MMP16: variants seen among roughly 807,000 people sequenced by gnomAD.
The protein encoded by MMP16 is matrix metalloproteinase-16.
Under a neutral mutation model 67.8 loss-of-function variants are expected in MMP16, and 12 were observed. That is an observed-to-expected ratio of 0.18 (90% CI 0.11 to 0.29). The LOEUF (loss-of-function observed/expected upper bound fraction) is 0.29, where lower values mean the gene tolerates loss of function less well. MMP16 is among the 10% of genes least tolerant of loss of function. The pLI is 1.00. For missense variants in MMP16, 475 were observed against 765.7 expected (o/e 0.62, Z 4.48); for synonymous variants, 249 against 255.9 (o/e 0.97, Z 0.26).
intron 1 of MMP16, among the ~76,000 whole-genome samples, chr8:88,260,287 C>A (rs1810366665): frequency 6.7e-6 from 1 of 149,434 alleles, no homozygotes; most frequent in Non-Finnish European, 1.5e-5. Context: ...TTAAGGAATA[C>A]ATGTTTTTTT....
At chr8:88,292,514 C>A (rs1432898619) in intron 1 of MMP16, among the ~76,000 whole-genome samples, 2 of 152,106 alleles carry the variant, frequency 1.3e-5, no homozygotes, top group African/African-American at 4.8e-5. Flanking sequence ...CTGTTATGTA[C>A]CCAAATTGCA....
intron 9 of MMP16, among the ~76,000 whole-genome samples, chr8:88,043,678 T>G (rs1440083155): frequency 6.6e-6 from 1 of 152,196 alleles, no homozygotes; most frequent in Non-Finnish European, 1.5e-5. Context: ...TTCTGTTCAA[T>G]GCCATGAACA....
chr8:88,273,391 T>A (rs1414250952), intron 1 of MMP16, among the ~76,000 whole-genome samples: 1 of 151,936 alleles, frequency 6.6e-6, no homozygotes, highest in Non-Finnish European at 1.5e-5. Flanking sequence ...GCACCTGGCC[T>A]AGAAAATAAC....
intron 1 of MMP16, among the ~76,000 whole-genome samples, chr8:88,307,183 C>T (rs1811223265): frequency 6.6e-6 from 1 of 152,018 alleles, no homozygotes; most frequent in Non-Finnish European, 1.5e-5. Flanking sequence ...TCTGCAACTG[C>T]CCCATACTTT....
chr8:88,133,824 C>G (rs1808074856), intron 4 of MMP16, among the ~76,000 whole-genome samples: 1 of 151,744 alleles, frequency 6.6e-6, no homozygotes, highest in African/African-American at 2.4e-5. Context: ...ATATCATCAT[C>G]TAACATATTA....
chr8:88,300,178 G>C (rs987101419), intron 1 of MMP16, among the ~76,000 whole-genome samples: 5 of 152,070 alleles, frequency 3.3e-5, no homozygotes, highest in African/African-American at 1.2e-4. Flanking sequence ...CATTCTATCA[G>C]GGGAAACTGT....
intron 6 of MMP16, among the ~76,000 whole-genome samples, chr8:88,109,511 A>G (rs1809298688): frequency 6.6e-6 from 1 of 151,386 alleles, no homozygotes; most frequent in African/African-American, 2.4e-5. Flanking sequence ...GTTAACTAAA[A>G]GTTTAAAAAG....
chr8:88,071,847 A>G (rs1208806339), intron 7 of MMP16, among the ~76,000 whole-genome samples: 1 of 152,178 alleles, frequency 6.6e-6, no homozygotes, highest in African/African-American at 2.4e-5. Context: ...ACAAAAAACA[A>G]AGAAAGGTAT....
intron 2 of MMP16, among the ~76,000 whole-genome samples, chr8:88,193,338 A>G (rs1177601534): frequency 6.6e-6 from 1 of 152,152 alleles, no homozygotes; most frequent in Non-Finnish European, 1.5e-5. Flanking sequence ...GTTTTCACAT[A>G]TGTGGGAGCT....
intron 3 of MMP16, 169 bp downstream of exon 3, chr8:88,186,307 C>G: frequency 1.3e-6 from 1 of 752,874 alleles, no homozygotes; most frequent in South Asian, 2.5e-5. Flanking sequence ...CATAGGGTGT[C>G]TAATGAACAA....
In MMP16 at chr8:88,041,800, G is replaced by A. The variant is rs764713557; in HGVS notation, c.1490-5C>T. 25 of 1,593,566 alleles carry A rather than the reference G, an allele frequency of 1.6e-5. No individual in the cohort carries two copies. The highest frequency in any genetic ancestry group is 4.1e-5 in the African/African-American group (3 of 73,828). ...CTTTGTAGAAATACGTAAAGCCTAG[G>A]GGGAAAAACATACACACACACAGGT... is the stretch of plus-strand genomic sequence containing the variant. On this transcript the variant is annotated splice_polypyrimidine_tract_variant and splice_region_variant and intron_variant, in intron 9 of 9. Coordinates refer to ENST00000286614, the MANE Select transcript of MMP16 (RefSeq NM_005941.5). This position sits in a 1 kb window ranked among gnomAD's most constrained non-coding sequence, Gnocchi z 6.0.
chr8:88,305,650 A>G (rs576321283), intron 1 of MMP16, among the ~76,000 whole-genome samples: 1 of 152,344 alleles, frequency 6.6e-6, no homozygotes, highest in African/African-American at 2.4e-5. Flanking sequence ...AAACCATACA[A>G]TTACATGGAA....
At chr8:88,293,011 T>G (rs1033054190) in intron 1 of MMP16, among the ~76,000 whole-genome samples, 3 of 152,188 alleles carry the variant, frequency 2.0e-5, no homozygotes. Context: ...AGTGCCTTCA[T>G]GTCTATCCAC....
At chr8:88,143,191 T>C (rs1228111234) in intron 4 of MMP16, among the ~76,000 whole-genome samples, 2 of 152,052 alleles carry the variant, frequency 1.3e-5, no homozygotes, top group African/African-American at 4.8e-5. Flanking sequence ...GTGGTGGTAC[T>C]CAGAGTGGTA....
chr8:88,265,342 G>C (rs1192491201), intron 1 of MMP16, among the ~76,000 whole-genome samples: 2 of 149,008 alleles, frequency 1.3e-5, no homozygotes, highest in East Asian at 4.0e-4. Flanking sequence ...ATCCATTCTG[G>C]ATTTTCTTTA....
intron 4 of MMP16, among the ~76,000 whole-genome samples, chr8:88,164,835 T>C (rs1370923969): frequency 6.6e-6 from 1 of 151,792 alleles, no homozygotes; most frequent in Non-Finnish European, 1.5e-5. Context: ...ATGAATACTC[T>C]CAGCCAAAAG....
At chr8:88,264,914 C>A (rs993250802) in intron 1 of MMP16, among the ~76,000 whole-genome samples, 5 of 152,226 alleles carry the variant, frequency 3.3e-5, no homozygotes, top group African/African-American at 1.2e-4. Context: ...GTTTCAGACA[C>A]TAGGACAAGA....
At chr8:88,161,158 C>T (rs1324746804) in intron 4 of MMP16, among the ~76,000 whole-genome samples, 2 of 152,154 alleles carry the variant, frequency 1.3e-5, no homozygotes, top group African/African-American at 4.8e-5. Context: ...TAGAATTCGG[C>T]TGTGAATCCG....
At chr8:88,076,561 A>C (rs1478796804) in intron 6 of MMP16, among the ~76,000 whole-genome samples, 2 of 152,170 alleles carry the variant, frequency 1.3e-5, no homozygotes, top group Non-Finnish European at 1.5e-5. Flanking sequence ...ATCCATATGC[A>C]GTAGATTTTC....
Sources: allele counts gnomAD v4.1 joint callset (sites outside exome capture counted in the v4.1 genomes callset), GRCh38; gene constraint gnomAD v4.1.1; non-coding constraint Gnocchi (gnomAD v3.1); transcripts MANE v1.5; gene names NCBI Gene and HGNC (gene_info 2026-07-23, HGNC 2026-07-21).